Variants in FRMPD4 observed in about 807,000 individuals in gnomAD.
FRMPD4 encodes FERM and PDZ domain-containing protein 4.
FRMPD4 carries 22 observed loss-of-function variants against 94.1 expected under a neutral mutation model. That is an observed-to-expected ratio of 0.23 (90% CI 0.17 to 0.33). The LOEUF is 0.33. FRMPD4 is among the 10% of genes least tolerant of loss of function. FRMPD4 has a pLI of 1.00. For missense variants in FRMPD4, 1,111 were observed against 1,339.9 expected, an observed-to-expected ratio of 0.83 and a Z score of 2.67; for synonymous variants, 631 against 548.6, an observed-to-expected ratio of 1.15 and a Z score of -2.10.
chrX:12,182,681 A>G (rs1440544815), intron 1 of FRMPD4, among the ~76,000 whole-genome samples: 1 of 110,541 alleles, frequency 9.0e-6, no homozygotes, highest in Non-Finnish European at 1.9e-5. Context: ...TTTTCAGATT[A>G]TGGGTCAAAT....
At chrX:12,714,748 A>G (rs747422410) in intron 14 of FRMPD4, among the ~76,000 whole-genome samples, 2 of 111,138 alleles carry the variant, frequency 1.8e-5, no homozygotes, top group Non-Finnish European at 3.8e-5. Flanking sequence ...AACAATCCAC[A>G]CTCACACACA....
At chrX:12,331,985 CTATATATAAATTATA>C (rs2055416752) in intron 1 of FRMPD4, among the ~76,000 whole-genome samples, 1 of 48,262 alleles carries the variant, frequency 2.1e-5, no homozygotes, top group African/African-American at 9.2e-5. Context: ...TATTTATATA[CTATATATAAATTATA>C]TATATTTATA....
intron 1 of FRMPD4, among the ~76,000 whole-genome samples, chrX:12,268,398 G>A (rs780280693): frequency 8.9e-6 from 1 of 112,080 alleles, no homozygotes; most frequent in Non-Finnish European, 1.9e-5. Context: ...ATGGATAGGA[G>A]CCTTGTACTT....
At chrX:11,969,305 G>C (rs754046590) in intron 3 of FRMPD4, among the ~76,000 whole-genome samples, 5 of 112,013 alleles carry the variant, frequency 4.5e-5, no homozygotes, top group African/African-American at 1.6e-4. Flanking sequence ...CCCCTACCCC[G>C]TTTACTGAAA....
intron 3 of FRMPD4, among the ~76,000 whole-genome samples, chrX:12,100,961 A>G (rs1052949720): frequency 5.3e-4 from 60 of 112,453 alleles, no homozygotes; most frequent in Non-Finnish European, 8.8e-4. Flanking sequence ...ATTTCAGGAC[A>G]TATCTCACAG....
chrX:12,150,664 G>C (rs1480223558), intron 1 of FRMPD4, among the ~76,000 whole-genome samples: 1 of 111,483 alleles, frequency 9.0e-6, no homozygotes, highest in African/African-American at 3.3e-5. Flanking sequence ...TACGATAAAA[G>C]CATCCTACTT....
chrX:12,388,456 T>C (rs1290021361), intron 1 of FRMPD4, among the ~76,000 whole-genome samples: 1 of 108,714 alleles, frequency 9.2e-6, no homozygotes. Context: ...AATACAAAAA[T>C]TAGCTGGGCA....
chrX:12,578,772 C>T (rs1408188473), intron 2 of FRMPD4, among the ~76,000 whole-genome samples: 1 of 111,476 alleles, frequency 9.0e-6, no homozygotes, highest in Non-Finnish European at 1.9e-5. Context: ...TTTTTGCCCC[C>T]CAAAAAACAA....
At chrX:12,279,565 C>T (rs1034714750) in intron 1 of FRMPD4, among the ~76,000 whole-genome samples, 2 of 111,906 alleles carry the variant, frequency 1.8e-5, no homozygotes, top group Non-Finnish European at 1.9e-5. Flanking sequence ...TCTTGTTAGC[C>T]ATGGCTAACA....
intron 2 of FRMPD4, among the ~76,000 whole-genome samples, chrX:12,527,741 T>G (rs1217849934): frequency 2.7e-5 from 3 of 111,887 alleles, no homozygotes; most frequent in Admixed American, 9.5e-5. Context: ...TGGAGCTCAA[T>G]GACGACAATG....
At chrX:12,248,889 A>C (rs2053992984) in intron 1 of FRMPD4, among the ~76,000 whole-genome samples, 1 of 112,022 alleles carries the variant, frequency 8.9e-6, no homozygotes, top group Non-Finnish European at 1.9e-5. Context: ...AAATACAAAA[A>C]TTAGCTGGGT....
At chrX:12,648,771 A>G (rs1307121304) in intron 4 of FRMPD4, among the ~76,000 whole-genome samples, 1 of 112,350 alleles carries the variant, frequency 8.9e-6, no homozygotes, top group Non-Finnish European at 1.9e-5. Context: ...AATACTGATA[A>G]TGACTTTACC....
intron 1 of FRMPD4, among the ~76,000 whole-genome samples, chrX:12,306,031 C>T (rs2054935286): frequency 9.8e-6 from 1 of 102,455 alleles, no homozygotes; most frequent in Non-Finnish European, 2.0e-5. Flanking sequence ...TCACTTTATA[C>T]TTTCACAGGA....
At chrX:11,996,220 A>C (rs1296723209) in intron 3 of FRMPD4, among the ~76,000 whole-genome samples, 3 of 112,098 alleles carry the variant, frequency 2.7e-5, no homozygotes, top group African/African-American at 9.7e-5. Flanking sequence ...TAAATTATGG[A>C]AGTTGCTACA....
chrX:12,340,142 G>A (rs967842163), intron 1 of FRMPD4, among the ~76,000 whole-genome samples: 5 of 112,364 alleles, frequency 4.4e-5, no homozygotes, highest in Non-Finnish European at 7.5e-5. Context: ...AGATTGCCAA[G>A]TATTCCTTAG....
At chrX:12,374,132 A>G (rs748805892) in intron 1 of FRMPD4, among the ~76,000 whole-genome samples, 8 of 112,129 alleles carry the variant, frequency 7.1e-5, no homozygotes, top group Admixed American at 6.6e-4. Flanking sequence ...TAATTTAACA[A>G]TAAAGTTGCT....
At chrX:12,400,011 C>T (rs972784349) in intron 1 of FRMPD4, among the ~76,000 whole-genome samples, 2 of 111,821 alleles carry the variant, frequency 1.8e-5, no homozygotes, top group African/African-American at 6.5e-5. Context: ...CAGGTTTTCA[C>T]TTAAAAGGTA....
intron 3 of FRMPD4, among the ~76,000 whole-genome samples, chrX:12,044,720 A>C (rs765820526): frequency 1.9e-4 from 21 of 112,038 alleles, no homozygotes; most frequent in African/African-American, 6.5e-4. Context: ...CTTTCAGATC[A>C]GTGCAGGTCC....
intron 1 of FRMPD4, among the ~76,000 whole-genome samples, chrX:12,430,036 A>C (rs1207953099): frequency 8.9e-6 from 1 of 112,044 alleles, no homozygotes; most frequent in Non-Finnish European, 1.9e-5. Context: ...CTGTGAGAAA[A>C]TAATTTCTTT....
Sources: allele counts gnomAD v4.1 joint callset (sites outside exome capture counted in the v4.1 genomes callset), GRCh38; gene constraint gnomAD v4.1.1; transcripts MANE v1.5; gene names NCBI Gene and HGNC (gene_info 2026-07-23, HGNC 2026-07-21).